Variants in ILRUN observed in about 807,000 individuals in gnomAD.
ILRUN encodes the protein inflammation and lipid regulator with UBA-like and NBR1-like domains.
ILRUN carries 3 observed loss-of-function variants against 33.8 expected under a neutral mutation model. That is an observed-to-expected ratio of 0.09 (90% CI 0.04 to 0.23). ILRUN has a LOEUF of 0.23. Ranked by LOEUF, ILRUN falls within the 10% of genes least tolerant of loss-of-function variation. The pLI is 1.00. For missense variants in ILRUN, 210 were observed against 375.1 expected (o/e 0.56, Z 3.64); for synonymous variants, 124 against 138.9 (o/e 0.89, Z 0.75).
At chr6:34,653,189 T>C (rs1023039823) in intron 2 of ILRUN, among the ~76,000 whole-genome samples, 4 of 144,338 alleles carry the variant, frequency 2.8e-5, no homozygotes, top group Non-Finnish European at 4.6e-5. Flanking sequence ...TTTAGACACA[T>C]AGACACTATT....
At chr6:34,653,173 A>AG (rs1762704742) in intron 2 of ILRUN, among the ~76,000 whole-genome samples, 1 of 151,160 alleles carries the variant, frequency 6.6e-6, no homozygotes. Flanking sequence ...AAAGAAAGAA[A>AG]AAAAATTTAG....
chr6:34,617,671 C>A (rs958432965), intron 3 of ILRUN, among the ~76,000 whole-genome samples: 2 of 152,176 alleles, frequency 1.3e-5, no homozygotes, highest in Non-Finnish European at 1.5e-5. Context: ...CAGCAGAGTA[C>A]CGCTGAAGGA....
chr6:34,601,081 C>G (rs780080782), intron 4 of ILRUN, among the ~76,000 whole-genome samples: 12 of 152,082 alleles, frequency 7.9e-5, no homozygotes, highest in Non-Finnish European at 1.6e-4. Flanking sequence ...AAGCACTGAG[C>G]CTATTGTCTC....
At chr6:34,605,035 G>C (rs1761596214) in intron 4 of ILRUN, among the ~76,000 whole-genome samples, 2 of 152,164 alleles carry the variant, frequency 1.3e-5, no homozygotes, top group African/African-American at 2.4e-5. Context: ...GGCTGGGCAC[G>C]GTGGCTCACG....
At chr6:34,673,234 G>A (rs1467988102) in intron 1 of ILRUN, among the ~76,000 whole-genome samples, 1 of 152,114 alleles carries the variant, frequency 6.6e-6, no homozygotes, top group Admixed American at 6.5e-5. Flanking sequence ...GGAAACAGAG[G>A]TTCCAACAAA....
intron 1 of ILRUN, among the ~76,000 whole-genome samples, chr6:34,672,635 C>G (rs1240814208): frequency 6.6e-6 from 1 of 151,860 alleles, no homozygotes; most frequent in Non-Finnish European, 1.5e-5. Context: ...ATAAACAAAA[C>G]TAAAGTAATA....
chr6:34,611,097 G>C lies in ILRUN; in HGVS notation c.512-4193C>G, dbSNP rs1465570316. Reference sequence around the variant, plus strand: ...TCCTTTCCTTTCTTTCTTTCTTTCTGATGTCTTTTTTTTTTTTTTTAATTA... The same window carrying C: ...TCCTTTCCTTTCTTTCTTTCTTTCTCATGTCTTTTTTTTTTTTTTTAATTA... On this transcript the variant is annotated intron_variant, in intron 3 of 4. Coordinates refer to ENST00000374023, the MANE Select transcript of ILRUN (RefSeq NM_024294.4). Among the ~76,000 whole-genome samples the C allele has an allele frequency of 6.7e-5, 7 of 104,934 alleles. No individual in the cohort carries two copies. The Admixed American group carries it at 6.9e-4, about 10-fold the overall frequency. The allele number at this position is 104,934 out of a possible 152,430, so 68.8% of individuals were successfully genotyped here.
intron 2 of ILRUN, among the ~76,000 whole-genome samples, chr6:34,647,644 A>C (rs1395782120): frequency 3.9e-5 from 6 of 152,140 alleles, no homozygotes; most frequent in African/African-American, 1.4e-4. Context: ...GGCTCACTGC[A>C]ACCTCCGCCT....
At chr6:34,647,546 T>C (rs1030474591) in intron 2 of ILRUN, among the ~76,000 whole-genome samples, 3 of 151,974 alleles carry the variant, frequency 2.0e-5, no homozygotes, top group Non-Finnish European at 4.4e-5. Context: ...CAAAGGGAGA[T>C]AGATTTTTAT....
intron 1 of ILRUN, among the ~76,000 whole-genome samples, chr6:34,659,841 G>C (rs566496304): frequency 6.6e-6 from 1 of 151,490 alleles, no homozygotes; most frequent in East Asian, 1.9e-4. Context: ...GGTTGGTCTC[G>C]AACTCCCAAC....
In ILRUN at chr6:34,669,101, T is replaced by C. The variant is rs144535683; in HGVS notation, c.159-14322A>G. Among the ~76,000 whole-genome samples the C allele has an allele frequency of 2.5e-4, 38 of 152,062 alleles. No homozygotes were observed. In the East Asian group the frequency reaches 7.2e-3, roughly 29 times the overall value. Reference sequence around the variant, plus strand: ...CTCAGGTGATCCACCCATCTTGGCCTCCCAAAGTGCTGGGATTACAAGCAT... The same window carrying C: ...CTCAGGTGATCCACCCATCTTGGCCCCCCAAAGTGCTGGGATTACAAGCAT... On this transcript the variant is annotated intron_variant, in intron 1 of 4. Coordinates refer to ENST00000374023, the MANE Select transcript of ILRUN (RefSeq NM_024294.4).
chr6:34,631,147 A>T (rs1211953890), intron 3 of ILRUN, among the ~76,000 whole-genome samples: 1 of 152,096 alleles, frequency 6.6e-6, no homozygotes, highest in East Asian at 1.9e-4. Context: ...ATTTCTCCAA[A>T]CTGTGTTTCT....
At chr6:34,686,666 T>C (rs1763525203) in intron 1 of ILRUN, 2 of 206,668 alleles carry the variant, frequency 9.7e-6, no homozygotes, top group South Asian at 1.7e-4. Context: ...CCCCACAAAG[T>C]GATACAGTAT....
chr6:34,619,149 T>C (rs550006046), intron 3 of ILRUN, among the ~76,000 whole-genome samples: 59 of 152,216 alleles, frequency 3.9e-4, no homozygotes, highest in Admixed American at 1.5e-3. Context: ...ACAATTATTA[T>C]TGGTACATTT....
chr6:34,654,576 T>C (rs1438604997), intron 2 of ILRUN, 49 bp downstream of exon 2: 1 of 1,538,872 alleles, frequency 6.5e-7, no homozygotes, highest in Non-Finnish European at 8.8e-7. Flanking sequence ...TATTTAACTA[T>C]TAAGAAAATG....
intron 3 of ILRUN, among the ~76,000 whole-genome samples, chr6:34,625,209 CCTA>C (rs1762095522): frequency 6.6e-6 from 1 of 151,780 alleles, no homozygotes; most frequent in African/African-American, 2.4e-5. Flanking sequence ...CCTATTTCTT[CCTA>C]CTATCTTCTT....
intron 1 of ILRUN, among the ~76,000 whole-genome samples, chr6:34,678,856 A>AAAAAAAG (rs1763297249): frequency 6.7e-6 from 1 of 149,860 alleles, no homozygotes; most frequent in African/African-American, 2.5e-5. Context: ...AAAAAAAAAA[A>AAAAAAAG]AAAGAAAGAA....
At chr6:34,609,254 C>T (rs879528330) in intron 3 of ILRUN, among the ~76,000 whole-genome samples, 3 of 152,068 alleles carry the variant, frequency 2.0e-5, no homozygotes, top group Admixed American at 6.5e-5. Context: ...TTTGGGAGGC[C>T]GAGGTGGGTG....
intron 1 of ILRUN, among the ~76,000 whole-genome samples, chr6:34,658,213 G>A (rs901722772): frequency 3.9e-5 from 6 of 151,960 alleles, no homozygotes; most frequent in African/African-American, 1.5e-4. Flanking sequence ...GCTGGGCATA[G>A]TGCATGCCTG....
Sources: allele counts gnomAD v4.1 joint callset (sites outside exome capture counted in the v4.1 genomes callset), GRCh38; gene constraint gnomAD v4.1.1; transcripts MANE v1.5; gene names NCBI Gene and HGNC (gene_info 2026-07-23, HGNC 2026-07-21).